EXOC7: variants seen among roughly 807,000 people sequenced by gnomAD.
EXOC7 encodes the protein exocyst complex component Exo70.
EXOC7 carries 51 observed loss-of-function variants against 87.6 expected under a neutral mutation model. The observed-to-expected ratio is 0.58, with a 90% CI of 0.46 to 0.73. The LOEUF is 0.73. Ranked by LOEUF, EXOC7 falls within the 30% of genes least tolerant of loss-of-function variation. EXOC7 has a pLI of 0.00. For missense variants in EXOC7, 744 were observed against 888.4 expected (o/e 0.84, Z 2.07); for synonymous variants, 327 against 357.1 (o/e 0.92, Z 0.95).
At chr17:76,085,641 G>A (rs192826134) in intron 14 of EXOC7, 36 bp downstream of exon 14, 62 of 1,613,834 alleles carry the variant, frequency 3.8e-5, no homozygotes, top group Non-Finnish European at 2.4e-5. Context: ...CGAGGGGAAG[G>A]TGAGAGCCGC....
intron 12 of EXOC7, 61 bp downstream of exon 12, chr17:76,087,593 C>T: frequency 6.6e-7 from 1 of 1,505,024 alleles, no homozygotes; most frequent in Non-Finnish European, 9.0e-7. Flanking sequence ...TGCCCTCTAA[C>T]CCCATGTCTC....
At chr17:76,085,102 A>G (rs1186554461) in intron 15 of EXOC7, 3 of 581,420 alleles carry the variant, frequency 5.2e-6, no homozygotes, top group South Asian at 2.1e-5. Context: ...ACTCCCCTCT[A>G]AAGTGGCCAT....
In EXOC7 at chr17:76,081,924, C is replaced by T. The variant is rs1223467091; in HGVS notation, c.*1724G>A. ...CTGCTGCTGCTGCTCTTCCTCAGCA[C>T]CATAGAGACTGTGCTGCTGGCTGGG... On this transcript the variant is annotated 3_prime_UTR_variant, in exon 19 of 19. Coordinates refer to ENST00000589210, the MANE Select transcript of EXOC7 (RefSeq NM_001013839.4). The T allele has an allele frequency of 6.2e-7, 1 of 1,613,454 alleles. No individual in the cohort carries two copies. The highest frequency in any genetic ancestry group is 1.7e-5 in the Admixed American group (1 of 59,944).
intron 2 of EXOC7, 146 bp downstream of exon 2, chr17:76,103,215 C>T: frequency 1.4e-6 from 1 of 715,534 alleles, no homozygotes; most frequent in East Asian, 2.7e-5. Flanking sequence ...GGAGAGATGC[C>T]AAACTGTTGC....
chr17:76,097,005 C>T (rs1377926798), intron 5 of EXOC7, among the ~76,000 whole-genome samples: 4 of 152,182 alleles, frequency 2.6e-5, no homozygotes, highest in African/African-American at 9.7e-5. Context: ...GCATGCGTCA[C>T]CACACCCAGC....
chr17:76,090,479 G>A, intron 7 of EXOC7: 1 of 1,551,428 alleles, frequency 6.4e-7, no homozygotes, highest in African/African-American at 1.4e-5. Flanking sequence ...CAGGGAAGAA[G>A]CCCTTCATCT....
At position 76,088,760 on chromosome 17, in the gene EXOC7, C is replaced by T. The variant is rs199909432; in HGVS notation, c.1200+11G>A. 4.3e-6 allele frequency: 7 copies of T among 1,613,138 alleles called. No individual in the cohort carries two copies. Among genetic ancestry groups the T allele is most frequent in the East Asian group, 4.5e-5 (2 of 44,876 alleles). On this transcript the variant is annotated intron_variant, in intron 9 of 18. Coordinates refer to ENST00000589210, the MANE Select transcript of EXOC7 (RefSeq NM_001013839.4). The stretch of plus-strand genomic sequence containing the variant: ...CCTGGCTGTGTTTTTGAGGGCCCCT[C>T]GCCCACATACCTGGAGCACCTGGTC...
In EXOC7 at chr17:76,082,841, A is replaced by C; in HGVS notation, c.*807T>G. Reference sequence around the variant, plus strand: ...AAGGGTCAGTCTTCAATCTCGTCCTAAATAGGTGGGGCCCTATTTTTTGCT... The same window carrying C: ...AAGGGTCAGTCTTCAATCTCGTCCTCAATAGGTGGGGCCCTATTTTTTGCT... On this transcript the variant is annotated 3_prime_UTR_variant, in exon 19 of 19. Coordinates refer to ENST00000589210, the MANE Select transcript of EXOC7 (RefSeq NM_001013839.4). 1 of 505,750 alleles carries C rather than the reference A, an allele frequency of 2.0e-6. No individual in the cohort carries two copies. Among genetic ancestry groups the C allele is most frequent in the Non-Finnish European group, 3.2e-6 (1 of 311,818 alleles). 31.3% of individuals were successfully genotyped at this position (505,750 alleles called of 1,614,324 possible). A position where few individuals can be genotyped will look rare whatever the true frequency, so the allele number is the denominator to read the frequency against.
chr17:76,088,619 C>G, intron 9 of EXOC7, 57 bp from the exon 10 acceptor site: 1 of 1,597,586 alleles, frequency 6.3e-7, no homozygotes, highest in Non-Finnish European at 8.6e-7. Flanking sequence ...GAGCATCTCA[C>G]TCACCCAGGG....
rs1455443918 is a variant in EXOC7, at chr17:76,081,583, T to C, written c.*2065A>G. 6.2e-7 allele frequency: 1 copy of C among 1,613,866 alleles called. No homozygotes were observed. Among genetic ancestry groups the C allele is most frequent in the East Asian group, 2.2e-5 (1 of 44,860 alleles). On this transcript the variant is annotated 3_prime_UTR_variant, in exon 19 of 19. Coordinates refer to ENST00000589210, the MANE Select transcript of EXOC7 (RefSeq NM_001013839.4). ...ACACGGCGCTCAAGTCCATCATCGC[T>C]CTCTTGGTGCCTGCAGAGGCACTGC... is the stretch of plus-strand genomic sequence containing the variant.
chr17:76,082,464 G>C lies in EXOC7; in HGVS notation c.*1184C>G, dbSNP rs770213258. The C allele has an allele frequency of 1.2e-5, 19 of 1,605,122 alleles. No individual in the cohort carries two copies. The African/African-American group carries it at 2.1e-4, about 18-fold the overall frequency. Reference sequence around the variant, plus strand: ...CTTTCCCTGTATCTCTCCCCACAGAGCCCTCCAGAGGAGTAAAGGGGTCAC... The same window carrying C: ...CTTTCCCTGTATCTCTCCCCACAGACCCCTCCAGAGGAGTAAAGGGGTCAC... On this transcript the variant is annotated 3_prime_UTR_variant, in exon 19 of 19. Coordinates refer to ENST00000589210, the MANE Select transcript of EXOC7 (RefSeq NM_001013839.4).
rs755765535 is a variant in EXOC7, at chr17:76,094,409, C to A, written c.808+5G>T. The A allele has an allele frequency of 5.6e-6, 9 of 1,610,992 alleles. No homozygotes were observed. In the South Asian group the frequency reaches 8.8e-5, roughly 16 times the overall value. ...TTGCAGAGATGGGCCAGGATGGGGG[C>A]TCACCTGGCCGCTTGACTGGCTTCT... On this transcript the variant is annotated splice_donor_5th_base_variant and intron_variant, in intron 6 of 18. Coordinates refer to ENST00000589210, the MANE Select transcript of EXOC7 (RefSeq NM_001013839.4).
intron 7 of EXOC7, chr17:76,090,412 G>T (rs774949781): frequency 6.4e-6 from 10 of 1,551,716 alleles, no homozygotes; most frequent in Non-Finnish European, 8.7e-6. Flanking sequence ...CGAGATGTCG[G>T]CCGCACAAAC....
rs561291133 is a variant in EXOC7, at chr17:76,088,414, A to G, written c.1299+50T>C. 20 of 1,555,350 alleles carry G rather than the reference A, an allele frequency of 1.3e-5. No homozygotes were observed. The South Asian group carries it at 1.5e-4, about 11-fold the overall frequency. On this transcript the variant is annotated intron_variant, in intron 10 of 18. Transcript: ENST00000589210. Reference sequence around the variant, plus strand: ...TCTGAGAGTCCCCCAGGGCCAGGTCACTGTGGTGCTGGGCCGGGAGGGAGG... The same window carrying G: ...TCTGAGAGTCCCCCAGGGCCAGGTCGCTGTGGTGCTGGGCCGGGAGGGAGG...
In EXOC7 at chr17:76,097,859, C is replaced by T. The variant is rs141111407; in HGVS notation, c.577G>A (p.Glu193Lys). 4.3e-5 allele frequency: 70 copies of T among 1,613,954 alleles called. No individual in the cohort carries two copies. The Admixed American group carries it at 8.2e-4, about 19-fold the overall frequency. Reference sequence around the variant, plus strand: ...CGAATGACATCCTGGAGCACGCTCTCGGGCAGGTGCTCCAGGGTCACGTCC... The same window carrying T: ...CGAATGACATCCTGGAGCACGCTCTTGGGCAGGTGCTCCAGGGTCACGTCC... ...QEDVTLEHLP[E>K]SVLQDVIRIS... Residue 193 changes from glutamate (E) to lysine (K), a missense_variant, in exon 5 of 19, where the codon GAG becomes AAG. This residue lies in a region of EXOC7 where 512 missense variants were observed against 573.0 expected (regional missense o/e 0.89). Coordinates refer to ENST00000589210, the MANE Select transcript of EXOC7 (RefSeq NM_001013839.4).
intron 5 of EXOC7, among the ~76,000 whole-genome samples, chr17:76,096,120 G>A (rs911260747): frequency 2.8e-4 from 43 of 152,130 alleles, no homozygotes; most frequent in African/African-American, 9.9e-4. Context: ...GATACATCGC[G>A]GCCGTGAGAC....
intron 12 of EXOC7, 41 bp from the exon 13 acceptor site, chr17:76,086,186 A>G (rs2067204388): frequency 1.9e-6 from 3 of 1,596,700 alleles, no homozygotes; most frequent in Non-Finnish European, 2.6e-6. Context: ...GGCAGCAGCC[A>G]AGACCCTCAA....
intron 5 of EXOC7, among the ~76,000 whole-genome samples, chr17:76,096,157 G>A (rs2067737384): frequency 6.6e-6 from 1 of 152,156 alleles, no homozygotes; most frequent in Non-Finnish European, 1.5e-5. Context: ...CTGGGGCAAG[G>A]CAAGCCCGCG....
intron 7 of EXOC7, chr17:76,090,932 C>T: frequency 1.7e-6 from 1 of 599,892 alleles, no homozygotes; most frequent in Non-Finnish European, 3.0e-6. Context: ...TCAGGGAGGG[C>T]AGAGCTGCCA....
Sources: gnomAD v4.1 joint callset for allele counts (sites outside exome capture counted in the v4.1 genomes callset) on GRCh38, gnomAD v4.1.1 for gene constraint, gnomAD v4.1.1 regional missense constraint, MANE v1.5 for transcripts, NCBI Gene and HGNC (gene_info 2026-07-23, HGNC 2026-07-21) for gene names.